KCNB2: variants seen among roughly 807,000 people sequenced by gnomAD.
KCNB2 encodes potassium voltage-gated channel subfamily B member 2.
Under a neutral mutation model 61.5 loss-of-function variants are expected in KCNB2, and 15 were observed. That is an observed-to-expected ratio of 0.24 (90% confidence interval 0.16 to 0.38). The LOEUF (loss-of-function observed/expected upper bound fraction) is 0.38. Among genes scored for constraint, KCNB2 ranks in the 10% least tolerant of loss-of-function variants. KCNB2 has a pLI of 1.00. For synonymous variants in KCNB2, 457 were observed against 446.0 expected (o/e 1.02, Z -0.31); for missense variants, 828 against 1,125.2 (o/e 0.74, Z 3.78).
chr8:72,933,678 T>C (rs59215573), intron 2 of KCNB2, among the ~76,000 whole-genome samples: 13,512 of 152,270 alleles, frequency 0.089, 2,564 homozygotes, highest in East Asian at 0.79. Context: ...ATATTGTACA[T>C]GTTACCCTGC....
intron 2 of KCNB2, among the ~76,000 whole-genome samples, chr8:72,743,104 A>G (rs1348388206): frequency 6.6e-6 from 1 of 152,216 alleles, no homozygotes; most frequent in African/African-American, 2.4e-5. Flanking sequence ...CATGGGCTCC[A>G]GGTGAAACCA....
At chr8:72,934,261 A>G (rs969898780) in intron 2 of KCNB2, among the ~76,000 whole-genome samples, 1 of 151,960 alleles carries the variant, frequency 6.6e-6, no homozygotes, top group African/African-American at 2.4e-5. Context: ...CCAGCTACTC[A>G]GGTGGCTGAG....
At chr8:72,922,538 T>C (rs1404681976) in intron 2 of KCNB2, among the ~76,000 whole-genome samples, 1 of 152,196 alleles carries the variant, frequency 6.6e-6, no homozygotes, top group African/African-American at 2.4e-5. Context: ...CACTTTTTGC[T>C]TCAAAGATGG....
At chr8:72,639,814 C>A (rs578054672) in intron 2 of KCNB2, among the ~76,000 whole-genome samples, 1 of 151,992 alleles carries the variant, frequency 6.6e-6, no homozygotes, top group South Asian at 2.1e-4. Context: ...GTTCCCCAAG[C>A]TAATCTAATG....
intron 2 of KCNB2, among the ~76,000 whole-genome samples, chr8:72,736,026 C>T (rs759663801): frequency 6.6e-6 from 1 of 152,096 alleles, no homozygotes; most frequent in Non-Finnish European, 1.5e-5. Context: ...AGATTTTAAT[C>T]TGTGATTCCA....
At chr8:72,903,525 G>A (rs1003448779) in intron 2 of KCNB2, among the ~76,000 whole-genome samples, 1 of 152,184 alleles carries the variant, frequency 6.6e-6, no homozygotes, top group Non-Finnish European at 1.5e-5. Flanking sequence ...AGGCTGCAGT[G>A]AGCTATGATT....
In KCNB2 at chr8:72,937,415, T is replaced by A. The variant is rs763636896; in HGVS notation, c.2060T>A (p.Leu687Gln). The change falls in exon 3 of 3, where the codon CTA becomes CAA. Residue 687 changes from leucine (L) to glutamine (Q), a missense_variant. Leu to Gln is a moderately radical substitution (Grantham distance 113, BLOSUM62 -2). Coordinates refer to ENST00000523207, the MANE Select transcript of KCNB2 (RefSeq NM_004770.3). ...NLDASGSQCG[L>Q]HSPLQSDNAT... ...GATGCCAGTGGCTCCCAGTGTGGGC[T>A]ACATAGTCCTTTGCAGTCTGACAAT... 68 of 1,613,916 alleles carry A rather than the reference T, an allele frequency of 4.2e-5. No individual in the cohort carries two copies. The highest frequency in any genetic ancestry group is 5.7e-5 in the Non-Finnish European group (67 of 1,179,994).
At position 72,937,752 on chromosome 8, in the gene KCNB2, A is replaced by G. The variant is rs199942722; in HGVS notation, c.2397A>G (p.Arg799=). 4.3e-6 allele frequency: 7 copies of G among 1,613,888 alleles called. No individual in the cohort carries two copies. The highest frequency in any genetic ancestry group is 4.0e-5 in the African/African-American group (3 of 74,978). The change falls in exon 3 of 3, where the codon AGA becomes AGG. Residue 799 remains arginine (R), a synonymous_variant. Transcript: ENST00000523207. ...PKQKLFPFSS[R]ERRSFTEIDT... Reference sequence around the variant, plus strand: ...AGAAACTGTTCCCTTTCTCTTCAAGAGAGAGGAGGAGCTTCACTGAAATAG... The same window carrying G: ...AGAAACTGTTCCCTTTCTCTTCAAGGGAGAGGAGGAGCTTCACTGAAATAG...
intron 2 of KCNB2, among the ~76,000 whole-genome samples, chr8:72,596,293 C>T (rs185185845): frequency 6.6e-6 from 1 of 152,140 alleles, no homozygotes; most frequent in Non-Finnish European, 1.5e-5. Context: ...CAAAGAGCAG[C>T]CTCTGGCAGT....
intron 1 of KCNB2, among the ~76,000 whole-genome samples, chr8:72,561,715 ATATATATATATATC>A (rs1452103984): frequency 0.04 from 971 of 24,516 alleles, 89 homozygotes; most frequent in African/African-American, 0.22. Context: ...ATATATATAT[ATATATATATATATC>A]TATATCTATA....
At chr8:72,771,479 ACT>A (rs1808560303) in intron 2 of KCNB2, among the ~76,000 whole-genome samples, 1 of 152,172 alleles carries the variant, frequency 6.6e-6, no homozygotes, top group South Asian at 2.1e-4. Context: ...TTAAATAGAA[ACT>A]CATATCTGAT....
intron 2 of KCNB2, among the ~76,000 whole-genome samples, chr8:72,867,903 T>A (rs2129004527): frequency 6.6e-6 from 1 of 152,290 alleles, no homozygotes; most frequent in African/African-American, 2.4e-5. Flanking sequence ...ATTTGGCTGT[T>A]ATCTTCTTTC....
Position 72,936,806 on chromosome 8 carries a change from A to G in KCNB2, c.1451A>G (p.Asp484Gly), listed in dbSNP as rs1379483552. The G allele has an allele frequency of 7.4e-6, 12 of 1,614,064 alleles. No homozygotes were observed. The East Asian group carries it at 1.6e-4, about 21-fold the overall frequency. The change falls in exon 3 of 3, where the codon GAT becomes GGT. Residue 484 changes from aspartate (D) to glycine (G), a missense_variant. Physicochemically the swap from Asp to Gly is moderately conservative, Grantham distance 94 (BLOSUM62 -1). This residue lies in a region of KCNB2 where 559 missense variants were observed against 588.4 expected (regional missense o/e 0.95). Coordinates refer to ENST00000523207, the MANE Select transcript of KCNB2 (RefSeq NM_004770.3). This position sits in a 1 kb window ranked among gnomAD's most constrained non-coding sequence, Gnocchi z 5.6. Reference sequence around the variant, plus strand: ...GCCAACACAAAGGACTCCGCCGACGATAATCACCTGTCGCCAAGCCGGTGG... The same window carrying G: ...GCCAACACAAAGGACTCCGCCGACGGTAATCACCTGTCGCCAAGCCGGTGG... ...ESANTKDSAD[D>G]NHLSPSRWKW...
intron 2 of KCNB2, among the ~76,000 whole-genome samples, chr8:72,721,791 AG>A (rs1328289698): frequency 1.3e-5 from 2 of 152,182 alleles, no homozygotes; most frequent in East Asian, 3.9e-4. Context: ...GACCCCAAAA[AG>A]CAAACATGCA....
intron 2 of KCNB2, among the ~76,000 whole-genome samples, chr8:72,860,359 TTTC>T (rs1164069830): frequency 6.6e-6 from 1 of 152,212 alleles, no homozygotes; most frequent in African/African-American, 2.4e-5. Flanking sequence ...TATCTTTTTG[TTTC>T]TTGTCATCCT....
chr8:72,831,264 A>G (rs866539611), intron 2 of KCNB2, among the ~76,000 whole-genome samples: 3 of 152,244 alleles, frequency 2.0e-5, no homozygotes, highest in African/African-American at 7.2e-5. Context: ...TTGTATTATA[A>G]TTATGTTATT....
intron 2 of KCNB2, among the ~76,000 whole-genome samples, chr8:72,685,904 G>A (rs890451196): frequency 5.3e-5 from 8 of 152,176 alleles, no homozygotes; most frequent in Non-Finnish European, 1.0e-4. Context: ...CAGAAGAACC[G>A]CTTGAACCCG....
At chr8:72,797,547 C>G (rs1809051838) in intron 2 of KCNB2, among the ~76,000 whole-genome samples, 1 of 152,176 alleles carries the variant, frequency 6.6e-6, no homozygotes, top group African/African-American at 2.4e-5. Context: ...ATATTTTTAA[C>G]TTTATCACTG....
intron 2 of KCNB2, among the ~76,000 whole-genome samples, chr8:72,705,831 GC>G (rs1807214704): frequency 6.6e-6 from 1 of 152,194 alleles, no homozygotes; most frequent in Non-Finnish European, 1.5e-5. Flanking sequence ...GGCACCCCAA[GC>G]ACCCTCAATG....
Sources: allele counts gnomAD v4.1 joint callset (sites outside exome capture counted in the v4.1 genomes callset), GRCh38; gene constraint gnomAD v4.1.1; regional missense constraint gnomAD v4.1.1; non-coding constraint Gnocchi (gnomAD v3.1); transcripts MANE v1.5; gene names NCBI Gene and HGNC (gene_info 2026-07-23, HGNC 2026-07-21).